CASTOR2: variants seen among roughly 807,000 people sequenced by gnomAD.
CASTOR2 encodes GATS protein like 2.
A neutral mutation model predicts 31.2 loss-of-function variants in CASTOR2; 8 were observed. The ratio of observed to expected loss-of-function variants is 0.26; its 90% CI spans 0.15 to 0.46. The LOEUF (loss-of-function observed/expected upper bound fraction) is 0.46, where lower values mean the gene tolerates loss of function less well. Ranked by LOEUF, CASTOR2 falls within the 20% of genes least tolerant of loss-of-function variation. CASTOR2 has a pLI of 0.99. For missense variants in CASTOR2, 216 were observed against 382.1 expected (o/e 0.57, Z 3.62); for synonymous variants, 162 against 158.7 (o/e 1.02, Z -0.16).
intron 2 of CASTOR2, among the ~76,000 whole-genome samples, chr7:75,012,686 T>A (rs1485908101): frequency 6.6e-6 from 1 of 151,198 alleles, no homozygotes; most frequent in Non-Finnish European, 1.5e-5. Context: ...TTGTCCAGAC[T>A]GGAGTGTAGT....
chr7:75,020,585 G>T (rs1804972378), intron 6 of CASTOR2, among the ~76,000 whole-genome samples: 1 of 151,742 alleles, frequency 6.6e-6, no homozygotes, highest in African/African-American at 2.4e-5. Flanking sequence ...CCACCTCCCG[G>T]GTTCATGCCA....
chr7:74,994,636 G>C (rs1554437712), intron 1 of CASTOR2, among the ~76,000 whole-genome samples: 3 of 152,088 alleles, frequency 2.0e-5, no homozygotes, highest in Non-Finnish European at 1.5e-5. Context: ...TGTAATCCCA[G>C]CTACTTGGGA....
chr7:75,018,157 C>A, intron 4 of CASTOR2, 35 bp downstream of exon 4: 1 of 1,608,142 alleles, frequency 6.2e-7, no homozygotes, highest in South Asian at 1.1e-5. Context: ...CAGGGGAAAC[C>A]TCACGAAGTT....
chr7:75,020,829 C>G (rs929242118), intron 6 of CASTOR2, among the ~76,000 whole-genome samples: 3 of 152,004 alleles, frequency 2.0e-5, no homozygotes, highest in Admixed American at 2.0e-4. Context: ...CAGGATCTCT[C>G]TCTGTCACCC....
chr7:74,995,171 G>A (rs1804310951), intron 1 of CASTOR2, among the ~76,000 whole-genome samples: 2 of 152,110 alleles, frequency 1.3e-5, no homozygotes, highest in African/African-American at 2.4e-5. Flanking sequence ...GGGTAAGGAG[G>A]TGGCCTCAGG....
rs1805193654 is a variant in CASTOR2 at position 75,028,267 on chromosome 7, C to T, written c.*3568C>T. 6.6e-6 allele frequency among the ~76,000 whole-genome samples: 1 copy of T among 152,046 alleles called. No individual in the cohort carries two copies. Among genetic ancestry groups the T allele is most frequent in the South Asian group, 2.1e-4 (1 of 4,820 alleles). Reference sequence around the variant, plus strand: ...TCCCAAGTAGGTGAGATTACAGGCACTCACCACCACACGCGGCTAATTTTT... The same window carrying T: ...TCCCAAGTAGGTGAGATTACAGGCATTCACCACCACACGCGGCTAATTTTT... On this transcript the variant is annotated 3_prime_UTR_variant, in exon 9 of 9. Transcript: ENST00000616305.
chr7:75,018,939 G>C, intron 4 of CASTOR2, 33 bp from the exon 5 acceptor site: 1 of 1,551,774 alleles, frequency 6.4e-7, no homozygotes, highest in Non-Finnish European at 8.7e-7. Flanking sequence ...TTCAGTCCCA[G>C]CCTCAGTGCC....
chr7:74,986,031 G>A (rs1213480764), intron 1 of CASTOR2, among the ~76,000 whole-genome samples: 3 of 152,026 alleles, frequency 2.0e-5, no homozygotes, highest in East Asian at 1.9e-4. Flanking sequence ...CGGTTCAAGC[G>A]ATTCTCCTGC....
chr7:74,997,075 A>G (rs1403772135), intron 1 of CASTOR2, among the ~76,000 whole-genome samples: 1 of 151,018 alleles, frequency 6.6e-6, no homozygotes, highest in Non-Finnish European at 1.5e-5. Context: ...TTTTGAGACA[A>G]GGTCTTACAC....
chr7:74,984,314 G>A (rs1416971544), intron 1 of CASTOR2, among the ~76,000 whole-genome samples: 3 of 150,728 alleles, frequency 2.0e-5, no homozygotes, highest in East Asian at 3.9e-4. Flanking sequence ...GTTATTTGGG[G>A]TTGGGGATCT....
chr7:75,024,967 G>A lies in CASTOR2; in HGVS notation c.*268G>A, dbSNP rs1271811705. 1.3e-5 allele frequency among the ~76,000 whole-genome samples: 2 copies of A among 152,200 alleles called. No homozygotes were observed. The highest frequency in any genetic ancestry group is 1.3e-4 in the Admixed American group (2 of 15,284). On this transcript the variant is annotated 3_prime_UTR_variant, in exon 9 of 9. Transcript: ENST00000616305. ...CTCCCCCACCCCGGAAAATGCTTTC[G>A]GAGGCCCAGGGAGCTTGTGAGCTGA...
chr7:74,996,817 C>T (rs1804363358), intron 1 of CASTOR2, among the ~76,000 whole-genome samples: 1 of 145,058 alleles, frequency 6.9e-6, no homozygotes, highest in Admixed American at 7.3e-5. Flanking sequence ...CAACCTTCGC[C>T]TCCCAGGTTC....
intron 1 of CASTOR2, among the ~76,000 whole-genome samples, chr7:74,974,316 AC>A (rs1318349692): frequency 1.3e-5 from 2 of 148,962 alleles, no homozygotes; most frequent in Admixed American, 6.7e-5. Context: ...CGCAGTGTAT[AC>A]CTGCTGTAGG....
rs1173170487 is a variant in CASTOR2, at chr7:75,029,677, C to A, written c.*4978C>A. 1.3e-5 allele frequency among the ~76,000 whole-genome samples: 2 copies of A among 152,096 alleles called. No homozygotes were observed. Among genetic ancestry groups the A allele is most frequent in the Non-Finnish European group, 2.9e-5 (2 of 68,010 alleles). On this transcript the variant is annotated 3_prime_UTR_variant, in exon 9 of 9. Transcript: ENST00000616305. ...TTTTGACGCCACTTCCTGAGTGAAG[C>A]GCTTTGCATGGGGATGGGAAGAAGC...
intron 1 of CASTOR2, among the ~76,000 whole-genome samples, chr7:74,998,306 G>A (rs1369206024): frequency 5.9e-5 from 9 of 152,138 alleles, no homozygotes; most frequent in African/African-American, 1.2e-4. Flanking sequence ...TCTCTTGCTC[G>A]CAAAGACAGA....
At chr7:75,016,058 T>C (rs1804856630) in intron 2 of CASTOR2, among the ~76,000 whole-genome samples, 1 of 151,678 alleles carries the variant, frequency 6.6e-6, no homozygotes, top group South Asian at 2.1e-4. Flanking sequence ...AGAGTGAGGC[T>C]CCATCTCAAA....
At chr7:75,014,783 C>T (rs1804830460) in intron 2 of CASTOR2, among the ~76,000 whole-genome samples, 1 of 152,200 alleles carries the variant, frequency 6.6e-6, no homozygotes, top group South Asian at 2.1e-4. Flanking sequence ...TGGGCTTCTC[C>T]CCAAGACCAC....
intron 1 of CASTOR2, among the ~76,000 whole-genome samples, chr7:75,006,802 C>G (rs1327334310): frequency 1.3e-5 from 2 of 152,090 alleles, no homozygotes; most frequent in Admixed American, 6.6e-5. Context: ...GTAAGACATG[C>G]CTTAGCTCCT....
intron 1 of CASTOR2, among the ~76,000 whole-genome samples, chr7:74,994,913 A>G (rs1804304550): frequency 1.3e-5 from 2 of 152,282 alleles, no homozygotes; most frequent in African/African-American, 2.4e-5. Context: ...AGAGCTGCCT[A>G]CGCTGGGGAG....
Sources: allele counts gnomAD v4.1 joint callset (sites outside exome capture counted in the v4.1 genomes callset), GRCh38; gene constraint gnomAD v4.1.1; transcripts MANE v1.5; gene names NCBI Gene and HGNC (gene_info 2026-07-23, HGNC 2026-07-21).